The following LILRB1 variants were observed in gnomAD, a reference collection of about 807,000 sequenced individuals.
The protein encoded by LILRB1 is leukocyte immunoglobulin-like receptor subfamily B member 1.
In LILRB1, 59 loss-of-function variants were observed where a neutral mutation model predicts 74.6. That is an observed-to-expected ratio of 0.79 (90% CI 0.64 to 0.98). The LOEUF (loss-of-function observed/expected upper bound fraction) is 0.98. Among genes scored for constraint, LILRB1 ranks in the 50% least tolerant of loss-of-function variants. LILRB1 has a pLI of 0.00. For missense variants in LILRB1, 804 were observed against 822.6 expected (o/e 0.98, Z 0.28); for synonymous variants, 328 against 333.9 (o/e 0.98, Z 0.19).
intron 1 of LILRB1, among the ~76,000 whole-genome samples, chr19:54,618,529 G>T (rs2063372759): frequency 6.6e-6 from 1 of 152,172 alleles, no homozygotes; most frequent in African/African-American, 2.4e-5. Context: ...TATAAACCTG[G>T]CCGGGCACGG....
chr19:54,631,093 T>C lies in LILRB1; in HGVS notation c.20T>C (p.Val7Ala), dbSNP rs1248248167. 1.4e-5 allele frequency: 22 copies of C among 1,614,056 alleles called. No individual in the cohort carries two copies. Among genetic ancestry groups the C allele is most frequent in the Non-Finnish European group, 1.8e-5 (21 of 1,180,002 alleles). Residue 7 changes from valine (V) to alanine (A), a missense_variant, in exon 2 of 15, where the codon GTC (valine) becomes GCC (alanine). Transcript: ENST00000324602. MTPILT[V>A]LICLGLSLGP... The stretch of plus-strand genomic sequence containing the variant: ...GACGCCATGACCCCCATCCTCACGG[T>C]CCTGATCTGTCTCGGTGAGATTTGA...
chr19:54,634,278 C>G, intron 9 of LILRB1: 4 of 1,534,202 alleles, frequency 2.6e-6, no homozygotes, highest in Admixed American at 2.0e-5. Context: ...GGGCCTGTCC[C>G]GTCCCACCTG....
rs546542006 is a variant in LILRB1, at chr19:54,620,578, G to T, written c.-166+3229G>T. 3.3e-5 allele frequency among the ~76,000 whole-genome samples: 5 copies of T among 152,286 alleles called. No individual in the cohort carries two copies. In the South Asian group the frequency reaches 1.0e-3, roughly 32 times the overall value. ...TATATGAGATCCAAATGCACAGGAG[G>T]TTATTCCAGAGAGAACAACCAGCTT... On this transcript the variant is annotated intron_variant, in intron 1 of 15. Transcript: ENST00000396331.
At chr19:54,624,891 G>A (rs1437002492) in intron 1 of LILRB1, among the ~76,000 whole-genome samples, 1 of 150,678 alleles carries the variant, frequency 6.6e-6, no homozygotes, top group Non-Finnish European at 1.5e-5. Flanking sequence ...GGCTGCAGCT[G>A]AAATGTCCAG....
In LILRB1 at chr19:54,633,104, G is replaced by C. The variant is rs776452488; in HGVS notation, c.1047G>C (p.Gln349His). ...GENVTLLCQS[Q>H]GWMQTFLLTK... ...ACGTGACCCTGCTGTGTCAGTCACA[G>C]GGATGGATGCAAACTTTCCTTCTGA... Residue 349 changes from glutamine (Q) to histidine (H), a missense_variant, in exon 7 of 15, where the codon CAG (glutamine) becomes CAC (histidine). Transcript: ENST00000324602. The C allele has an allele frequency of 9.3e-6, 15 of 1,614,280 alleles. No homozygotes were observed. Among genetic ancestry groups the C allele is most frequent in the Non-Finnish European group, 1.3e-5 (15 of 1,180,038 alleles).
At chr19:54,620,758 C>T (rs555831272) in intron 1 of LILRB1, among the ~76,000 whole-genome samples, 1 of 152,222 alleles carries the variant, frequency 6.6e-6, no homozygotes, top group African/African-American at 2.4e-5. Context: ...GCATATGAAC[C>T]AAGTAACCAT....
chr19:54,626,010 T>G (rs998599100), upstream of LILRB1, among the ~76,000 whole-genome samples: 4 of 152,196 alleles, frequency 2.6e-5, no homozygotes, highest in Non-Finnish European at 1.5e-5. Flanking sequence ...CTCCCACCTT[T>G]TCTCTTCTCT....
chr19:54,623,472 G>A (rs118181339), intron 1 of LILRB1, among the ~76,000 whole-genome samples: 5,038 of 152,122 alleles, frequency 0.033, 105 homozygotes, highest in South Asian at 0.054. Flanking sequence ...AGTCTCTGAT[G>A]GTCATTTGTA....
chr19:54,629,627 C>T (rs567399269), upstream of LILRB1, among the ~76,000 whole-genome samples: 13 of 151,858 alleles, frequency 8.6e-5, no homozygotes, highest in South Asian at 2.1e-4. Context: ...TTGGGGTCCA[C>T]TCCAGCCTCA....
intron 1 of LILRB1, among the ~76,000 whole-genome samples, chr19:54,617,596 G>T (rs2063344455): frequency 6.7e-6 from 1 of 150,062 alleles, no homozygotes; most frequent in Admixed American, 6.7e-5. Context: ...TGTGGTGTGT[G>T]TGTGTTTAAA....
At chr19:54,629,525 C>T (rs1293780049), upstream of LILRB1, among the ~76,000 whole-genome samples, 1 of 152,174 alleles carries the variant, frequency 6.6e-6, no homozygotes, top group African/African-American at 2.4e-5. Context: ...TCTATGAACA[C>T]CCTGGTGTTT....
At position 54,632,212 on chromosome 19, in the gene LILRB1, T is replaced by A; in HGVS notation, c.636T>A (p.Ser212Arg). 1 of 1,613,742 alleles carries A rather than the reference T, an allele frequency of 6.2e-7. No individual in the cohort carries two copies. Among genetic ancestry groups the A allele is most frequent in the South Asian group, 1.1e-5 (1 of 91,072 alleles). ...CTCCCTATGAGTGGTCTCTACCCAG[T>A]GATCTCCTGGAGCTCCTGGTCCTAG... Reference protein sequence around the residue: ...SNSPYEWSLPSDLLELLVLGV... With the variant: ...SNSPYEWSLPRDLLELLVLGV... The change falls in exon 5 of 15, where the codon AGT becomes AGA. Residue 212 changes from serine (S) to arginine (R), a missense_variant. Physicochemically the swap from Ser to Arg is moderately radical, Grantham distance 110. Transcript: ENST00000324602.
chr19:54,632,177 G>A lies in LILRB1; in HGVS notation c.601G>A (p.Asp201Asn). 6.2e-7 allele frequency: 1 copy of A among 1,614,198 alleles called. No individual in the cohort carries two copies. The highest frequency in any genetic ancestry group is 8.5e-7 in the Non-Finnish European group (1 of 1,180,018). The change falls in exon 5 of 15, where the codon GAC (aspartate) becomes AAC (asparagine). Residue 201 changes from aspartate (D) to asparagine (N), a missense_variant. Transcript: ENST00000324602. ...GTGGTGGTACAGGTGCTATGCTTAT[G>A]ACTCGAACTCTCCCTATGAGTGGTC... ...RRWWYRCYAY[D>N]SNSPYEWSLP...
At chr19:54,628,397 G>A (rs1392194977), upstream of LILRB1, among the ~76,000 whole-genome samples, 2 of 152,156 alleles carry the variant, frequency 1.3e-5, no homozygotes, top group Non-Finnish European at 2.9e-5. Context: ...AGATCCCACA[G>A]ATTGAATGGT....
rs549753788 is a variant in LILRB1 at position 54,632,499 on chromosome 19, G to C, written c.697G>C (p.Gly233Arg). The C allele has an allele frequency of 6.8e-6, 11 of 1,613,654 alleles. No individual in the cohort carries two copies. The African/African-American group carries it at 1.3e-4, about 20-fold the overall frequency. The change falls in exon 6 of 15, where the codon GGT becomes CGT. Residue 233 changes from glycine to arginine, a missense_variant. Transcript: ENST00000324602. ...GAAGCCATCACTCTCAGTGCAGCCA[G>C]GTCCTATCGTGGCCCCTGAGGAGAC... ...SKKPSLSVQP[G>R]PIVAPEETLT... is the part of the protein sequence containing the mutation.
chr19:54,635,340 C>T (rs751536859), intron 12 of LILRB1, 44 bp downstream of exon 12: 6 of 1,610,046 alleles, frequency 3.7e-6, no homozygotes, highest in Non-Finnish European at 5.1e-6. Context: ...GAGATGGGGG[C>T]CCCGAAGTTT....
intron 13 of LILRB1, chr19:54,635,945 G>A (rs2064368087): frequency 1.7e-6 from 1 of 586,256 alleles, no homozygotes; most frequent in Non-Finnish European, 3.3e-6. Flanking sequence ...TTCCCAGGGA[G>A]CTCACTGTGG....
At chr19:54,635,513 A>C (rs1363261515) in intron 12 of LILRB1, 44 bp from the exon 13 acceptor site, 1 of 1,589,948 alleles carries the variant, frequency 6.3e-7, no homozygotes, top group Non-Finnish European at 8.6e-7. Flanking sequence ...CAGAGGTCCC[A>C]GGGAACCTTC....
At chr19:54,629,653 C>T (rs930139666), upstream of LILRB1, among the ~76,000 whole-genome samples, 11 of 152,174 alleles carry the variant, frequency 7.2e-5, no homozygotes, top group East Asian at 1.9e-4. Context: ...AGCTGGAGGA[C>T]GCAGCCTCCC....
Sources: allele counts gnomAD v4.1 joint callset (sites outside exome capture counted in the v4.1 genomes callset), GRCh38; gene constraint gnomAD v4.1.1; transcripts MANE v1.5; gene names NCBI Gene and HGNC (gene_info 2026-07-23, HGNC 2026-07-21).